FRMPD1: variants seen among roughly 807,000 people sequenced by gnomAD.
FRMPD1 encodes FERM and PDZ domain containing 1.
Under a neutral mutation model 117.8 loss-of-function variants are expected in FRMPD1, and 76 were observed. The observed-to-expected ratio is 0.65, with a 90% CI of 0.54 to 0.78. The LOEUF is 0.78. Among genes scored for constraint, FRMPD1 ranks in the 30% least tolerant of loss-of-function variants. FRMPD1 has a pLI of 0.00. For missense variants in FRMPD1, 1,786 were observed against 1,964.5 expected (o/e 0.91, Z 1.72); for synonymous variants, 783 against 770.4 (o/e 1.02, Z -0.27).
At chr9:37,603,805 A>G in the FRMPD1 span, among the ~76,000 whole-genome samples, 2 of 152,052 alleles carry the variant, frequency 1.3e-5, no homozygotes, top group African/African-American at 4.8e-5. Flanking sequence ...CAGCCTCCCA[A>G]GTAGCTGGGC....
upstream of FRMPD1, among the ~76,000 whole-genome samples, chr9:37,650,305 G>A (rs1820624727): frequency 6.6e-6 from 1 of 152,206 alleles, no homozygotes. Flanking sequence ...GCTGAGTGCA[G>A]AGTCCCAGGG....
chr9:37,742,121 G>C (rs761017022), intron 15 of FRMPD1, among the ~76,000 whole-genome samples: 2 of 152,152 alleles, frequency 1.3e-5, no homozygotes, highest in Non-Finnish European at 2.9e-5. Context: ...AGCACACAGC[G>C]TCTAGCAATT....
At chr9:37,737,823 TA>T (rs35965958) in intron 14 of FRMPD1, among the ~76,000 whole-genome samples, 24,776 of 106,290 alleles carry the variant, frequency 0.23, 2,223 homozygotes, top group Admixed American at 0.26. Flanking sequence ...AACTCCATCT[TA>T]AAAAAAAAAA....
intron 15 of FRMPD1, among the ~76,000 whole-genome samples, chr9:37,741,664 T>C (rs1824429152): frequency 6.6e-6 from 1 of 152,118 alleles, no homozygotes; most frequent in South Asian, 2.1e-4. Context: ...AAAGGCCAGC[T>C]CCTCTGGGAG....
Position 37,740,584 on chromosome 9 carries a change from G to T in FRMPD1, c.2056G>T (p.Ala686Ser), listed in dbSNP as rs140717580. The T allele has an allele frequency of 8.3e-5, 134 of 1,614,244 alleles. No homozygotes were observed. The African/African-American group carries it at 1.5e-3, about 18-fold the overall frequency. ...ESAALETFGW[A>S]PELSTVRLDP... ...TGCTGCTTTGGAGACATTTGGCTGG[G>T]CACCAGAACTGAGCACAGTCAGGCT... The change falls in exon 15 of 16, where the codon GCA becomes TCA. Residue 686 changes from alanine (A) to serine (S), a missense_variant. Physicochemically the swap from Ala to Ser is moderately conservative, Grantham distance 99 (BLOSUM62 1). Transcript: ENST00000377765. This position sits in a 1 kb window ranked among gnomAD's most constrained non-coding sequence, Gnocchi z 4.2.
intron 1 of FRMPD1, among the ~76,000 whole-genome samples, chr9:37,654,208 G>A (rs1279160080): frequency 6.6e-6 from 1 of 152,306 alleles, no homozygotes; most frequent in South Asian, 2.1e-4. Context: ...ACATAAATAA[G>A]GTAACTACAG....
At chr9:37,719,021 C>A (rs1433612659) in intron 5 of FRMPD1, 48 bp from the exon 6 acceptor site, 2 of 1,125,564 alleles carry the variant, frequency 1.8e-6, no homozygotes, top group Non-Finnish European at 2.7e-6. Flanking sequence ...ATATACCTGG[C>A]TTTTATGAAA....
chr9:37,637,090 T>C, the FRMPD1 span: 4 of 1,575,576 alleles, frequency 2.5e-6, no homozygotes, highest in Non-Finnish European at 3.5e-6. Context: ...TCCAGAACCG[T>C]TCCTGGCCCG....
intron 1 of FRMPD1, among the ~76,000 whole-genome samples, chr9:37,662,575 A>G (rs139782418): frequency 3.3e-5 from 5 of 152,296 alleles, no homozygotes; most frequent in African/African-American, 7.2e-5. Context: ...CACTTGATCA[A>G]TGTATGGGCC....
intron 1 of FRMPD1, among the ~76,000 whole-genome samples, chr9:37,675,382 C>T (rs931647242): frequency 4.0e-5 from 6 of 150,574 alleles, no homozygotes; most frequent in Non-Finnish European, 8.8e-5. Flanking sequence ...GATCGTGCCA[C>T]TGCACTCCAG....
At chr9:37,654,630 G>C (rs1039182777) in intron 1 of FRMPD1, among the ~76,000 whole-genome samples, 1 of 152,226 alleles carries the variant, frequency 6.6e-6, no homozygotes. Context: ...CAGTTATGTA[G>C]TAAGCACCAA....
At chr9:37,686,473 G>C (rs988558089) in intron 1 of FRMPD1, among the ~76,000 whole-genome samples, 1 of 152,178 alleles carries the variant, frequency 6.6e-6, no homozygotes, top group Non-Finnish European at 1.5e-5. Context: ...CCTTCCATTA[G>C]CCCAGCAATC....
the FRMPD1 span, among the ~76,000 whole-genome samples, chr9:37,610,423 CTTTAT>C: frequency 4.0e-5 from 6 of 151,878 alleles, no homozygotes; most frequent in East Asian, 1.9e-4. Flanking sequence ...ACTTGCTTGA[CTTTAT>C]TTTATTTTAT....
chr9:37,649,139 A>AGAAT (rs1288707793), upstream of FRMPD1, among the ~76,000 whole-genome samples: 3 of 152,212 alleles, frequency 2.0e-5, no homozygotes, highest in African/African-American at 7.2e-5. Flanking sequence ...ACCGGACAAG[A>AGAAT]GAATAGTTCT....
intron 7 of FRMPD1, among the ~76,000 whole-genome samples, chr9:37,727,730 A>G (rs922525746): frequency 7.0e-6 from 1 of 142,572 alleles, no homozygotes; most frequent in Non-Finnish European, 1.6e-5. Flanking sequence ...ACAAGTGGAG[A>G]GAGGGCTCCG....
intron 14 of FRMPD1, among the ~76,000 whole-genome samples, 157 bp from the exon 15 acceptor site, chr9:37,739,921 C>T (rs1034270812): frequency 3.3e-5 from 5 of 152,136 alleles, no homozygotes; most frequent in African/African-American, 1.2e-4. Context: ...TGGAGTCCCT[C>T]GGATCCCGTG....
intron 1 of FRMPD1, among the ~76,000 whole-genome samples, chr9:37,686,766 A>G (rs896388759): frequency 3.9e-5 from 6 of 152,260 alleles, no homozygotes; most frequent in Non-Finnish European, 8.8e-5. Context: ...GAAGACCTTC[A>G]AAAGGCGTGG....
the FRMPD1 span, among the ~76,000 whole-genome samples, chr9:37,618,864 A>G: frequency 9.2e-5 from 14 of 152,126 alleles, no homozygotes; most frequent in African/African-American, 3.1e-4. Context: ...ACTCCATGGC[A>G]TTTGCCTCCT....
At chr9:37,719,261 A>C in intron 6 of FRMPD1, 85 bp downstream of exon 6, 1 of 835,666 alleles carries the variant, frequency 1.2e-6, no homozygotes, top group South Asian at 1.4e-5. Flanking sequence ...GGAATTCCAC[A>C]GCACAGAGGG....
Sources: gnomAD v4.1 joint callset for allele counts (sites outside exome capture counted in the v4.1 genomes callset) on GRCh38, gnomAD v4.1.1 for gene constraint, Gnocchi (gnomAD v3.1) non-coding constraint, MANE v1.5 for transcripts, NCBI Gene and HGNC (gene_info 2026-07-23, HGNC 2026-07-21) for gene names.